EP300: variants seen among roughly 807,000 people sequenced by gnomAD.
The protein encoded by EP300 is histone acetyltransferase p300.
EP300 carries 31 observed loss-of-function variants against 264.0 expected under a neutral mutation model. The ratio of observed to expected loss-of-function variants is 0.12; its 90% CI spans 0.09 to 0.16. The LOEUF is 0.16. Among genes scored for constraint, EP300 ranks in the 10% least tolerant of loss-of-function variants. EP300 has a pLI of 1.00. For missense variants in EP300, 2,766 were observed against 3,052.9 expected, an observed-to-expected ratio of 0.91 and a Z score of 2.21; for synonymous variants, 1,340 against 1,045.4, an observed-to-expected ratio of 1.28 and a Z score of -5.44.
At chr22:41,142,198 C>T (rs973942139) in intron 10 of EP300, among the ~76,000 whole-genome samples, 9 of 152,186 alleles carry the variant, frequency 5.9e-5, no homozygotes, top group African/African-American at 2.2e-4. Flanking sequence ...TAGGAAAAAC[C>T]TGCATTTACT....
chr22:41,152,211 A>C lies in EP300; in HGVS notation c.3003A>C (p.Lys1001Asn), dbSNP rs1484054044. The change falls in exon 16 of 31, where the codon AAA becomes AAC. Residue 1001 changes from lysine (K) to asparagine (N), a missense_variant. Physicochemically the swap from Lys to Asn is moderately conservative, Grantham distance 94 (BLOSUM62 0). Coordinates refer to ENST00000263253, the MANE Select transcript of EP300 (RefSeq NM_001429.4). ...DTQPEDISES[K>N]VEDCKMESTE... The stretch of plus-strand genomic sequence containing the variant: ...ATTCTTACGTTTTCTTTTAGTCTAA[A>C]GTGGAAGACTGTAAAATGGAATCTA... 3 of 1,614,000 alleles carry C rather than the reference A, an allele frequency of 1.9e-6. No individual in the cohort carries two copies. The Admixed American group carries it at 5.0e-5, about 27-fold the overall frequency.
intron 2 of EP300, among the ~76,000 whole-genome samples, chr22:41,119,137 G>A (rs1320046630): frequency 6.8e-6 from 1 of 146,712 alleles, no homozygotes; most frequent in Non-Finnish European, 1.5e-5. Context: ...TGAGTAGCTG[G>A]AACTGAAGGC....
intron 28 of EP300, among the ~76,000 whole-genome samples, 169 bp from the exon 29 acceptor site, chr22:41,173,454 G>C (rs2059182302): frequency 6.6e-6 from 1 of 152,148 alleles, no homozygotes; most frequent in Admixed American, 6.5e-5. Flanking sequence ...AGAAAATTAG[G>C]TCAAATAACA....
Position 41,101,813 on chromosome 22 carries a change from G to A in EP300, c.94+8715G>A, listed in dbSNP as rs570646375. ...GGCCTCCTGAGTAGCTGGGATTGCA[G>A]ATGTGAGCCACTATGCCTGCCTCTA... On this transcript the variant is annotated intron_variant, in intron 1 of 30. Transcript: ENST00000263253. Among the ~76,000 whole-genome samples the A allele has an allele frequency of 5.3e-5, 8 of 152,200 alleles. No homozygotes were observed. In the South Asian group the frequency reaches 1.7e-3, roughly 32 times the overall value.
In EP300 at chr22:41,178,637, C is replaced by G; in HGVS notation, c.6926C>G (p.Ser2309Cys). The change falls in exon 31 of 31, where the codon TCT becomes TGT. Residue 2309 changes from serine to cysteine, a missense_variant. Coordinates refer to ENST00000263253, the MANE Select transcript of EP300 (RefSeq NM_001429.4). The part of the protein sequence containing the change: ...IPNSLSNQVR[S>C]PQPVPSPRPQ... ...AATTCTCTCTCCAATCAAGTGCGCTCTCCCCAGCCTGTCCCTTCTCCACGG... is the reference window on the plus strand; with the variant it reads ...AATTCTCTCTCCAATCAAGTGCGCTGTCCCCAGCCTGTCCCTTCTCCACGG... 1.2e-6 allele frequency: 2 copies of G among 1,614,148 alleles called. No individual in the cohort carries two copies. Among genetic ancestry groups the G allele is most frequent in the Non-Finnish European group, 1.7e-6 (2 of 1,180,026 alleles).
At chr22:41,158,770 C>T (rs753379692) in intron 19 of EP300, 1 of 445,912 alleles carries the variant, frequency 2.2e-6, no homozygotes. Context: ...GGTCTATATC[C>T]CAGGCCCCAC....
intron 20 of EP300, 113 bp downstream of exon 20, chr22:41,160,835 C>A: frequency 2.1e-6 from 2 of 946,914 alleles, no homozygotes; most frequent in Non-Finnish European, 3.4e-6. Flanking sequence ...AGCCATTAGC[C>A]ACATGTTGCT....
intron 23 of EP300, 46 bp downstream of exon 23, chr22:41,166,712 G>A (rs1487336507): frequency 4.5e-6 from 6 of 1,330,464 alleles, no homozygotes; most frequent in Non-Finnish European, 6.5e-6. Context: ...CTTATCTGAA[G>A]CCTAGATAAG....
chr22:41,099,622 CG>C (rs1339658908), intron 1 of EP300, among the ~76,000 whole-genome samples: 6 of 152,112 alleles, frequency 3.9e-5, no homozygotes, highest in African/African-American at 1.4e-4. Flanking sequence ...TTGTAACCTC[CG>C]CATACAATTT....
At position 41,133,191 on chromosome 22, in the gene EP300, G is replaced by T. The variant is rs913419561; in HGVS notation, c.1528+1558G>T. On this transcript the variant is annotated intron_variant, in intron 6 of 30. Coordinates refer to ENST00000263253, the MANE Select transcript of EP300 (RefSeq NM_001429.4). ...CCCACCCCGGAAACAGAGTCTCGCT[G>T]TGTCACCGAGGCTGGAGTACAGTGG... 2.6e-5 allele frequency among the ~76,000 whole-genome samples: 3 copies of T among 114,638 alleles called. No homozygotes were observed. In the Admixed American group the frequency reaches 3.8e-4, roughly 14 times the overall value. The allele number at this position is 114,638 out of a possible 152,430, so 75.2% of individuals were successfully genotyped here.
At chr22:41,107,046 A>G (rs1162772043) in intron 1 of EP300, among the ~76,000 whole-genome samples, 3 of 152,148 alleles carry the variant, frequency 2.0e-5, no homozygotes, top group Non-Finnish European at 4.4e-5. Flanking sequence ...AGCTGGGATT[A>G]CAGGCGTGCA....
rs373299577 is a variant in EP300 at position 41,158,556 on chromosome 22, A to G, written c.3590+56A>G. The G allele has an allele frequency of 2.8e-6, 4 of 1,411,258 alleles. No individual in the cohort carries two copies. In the African/African-American group the frequency reaches 5.6e-5, roughly 20 times the overall value. 87.4% of individuals were successfully genotyped at this position (1,411,258 alleles called of 1,614,324 possible). A position where few individuals can be genotyped will look rare whatever the true frequency, so the allele number is the denominator to read the frequency against. ...ATGTGTCCACATGTCCAGGGAGTGCATGCGGATGGGCCAGCACACATACAG... is the reference window on the plus strand; with the variant it reads ...ATGTGTCCACATGTCCAGGGAGTGCGTGCGGATGGGCCAGCACACATACAG... On this transcript the variant is annotated intron_variant, in intron 19 of 30. Coordinates refer to ENST00000263253, the MANE Select transcript of EP300 (RefSeq NM_001429.4).
rs2059231804 is a variant in EP300 at position 41,179,874 on chromosome 22, CCCCACTCACACACACACACACACACA to C, written c.*920_*945del. The stretch of plus-strand genomic sequence containing the variant: ...TTGCTTTCTTCCTCCTTACCCTACC[CCCCACTCACACACACACACACACACA>C]CACACACACACACACACACACACTT... On this transcript the variant is annotated 3_prime_UTR_variant, in exon 31 of 31. Coordinates refer to ENST00000263253, the MANE Select transcript of EP300 (RefSeq NM_001429.4). The C allele has an allele frequency of 6.5e-6, 1 of 153,154 alleles. No individual in the cohort carries two copies. Among genetic ancestry groups the C allele is most frequent in the African/African-American group, 3.1e-5 (1 of 32,662 alleles). The allele number at this position is 153,154 out of a possible 1,614,324, so 9.5% of individuals were successfully genotyped here.
At chr22:41,165,245 A>G (rs2145757658) in intron 22 of EP300, among the ~76,000 whole-genome samples, 1 of 152,332 alleles carries the variant, frequency 6.6e-6, no homozygotes, top group Admixed American at 6.5e-5. Context: ...CAACTGAATG[A>G]AAATAATCTG....
At chr22:41,153,116 AACTTTCCACAG>A (rs1461205993) in intron 16 of EP300, among the ~76,000 whole-genome samples, 5 of 152,280 alleles carry the variant, frequency 3.3e-5, no homozygotes, top group Non-Finnish European at 7.3e-5. Context: ...AAAGTTAAGT[AACTTTCCACAG>A]GTTACTCAGC....
chr22:41,092,779 G>GGGCCCA lies in EP300; in HGVS notation c.-220_-215dup. On this transcript the variant is annotated 5_prime_UTR_variant, in exon 1 of 31. Coordinates refer to ENST00000263253, the MANE Select transcript of EP300 (RefSeq NM_001429.4). ...TGCTCTTGTGCCCTCCTCCGGGCTT[G>GGGCCCA]GGCCCAGGCCCGGCCCCTCGCACTT... 1.6e-6 allele frequency: 1 copy of GGGCCCA among 627,372 alleles called. No individual in the cohort carries two copies. Among genetic ancestry groups the GGGCCCA allele is most frequent in the East Asian group, 2.7e-5 (1 of 36,596 alleles). 38.9% of individuals were successfully genotyped at this position (627,372 alleles called of 1,614,324 possible). A position where few individuals can be genotyped will look rare whatever the true frequency, so the allele number is the denominator to read the frequency against.
Position 41,127,007 on chromosome 22 carries a change from G to A in EP300, c.907-480G>A, listed in dbSNP as rs376504066. 4.6e-5 allele frequency among the ~76,000 whole-genome samples: 7 copies of A among 152,000 alleles called. 1 individual carries two copies. The highest frequency in any genetic ancestry group is 6.6e-5 in the Admixed American group (1 of 15,256). On this transcript the variant is annotated intron_variant, in intron 3 of 30. Transcript: ENST00000263253. ...GATCCGCCTGCCTCGGCCTCCCAACGTGCTAGGGTTACAGGCGTGAGCCAC... is the reference window on the plus strand; with the variant it reads ...GATCCGCCTGCCTCGGCCTCCCAACATGCTAGGGTTACAGGCGTGAGCCAC...
At chr22:41,098,497 G>A (rs1211961473) in intron 1 of EP300, among the ~76,000 whole-genome samples, 3 of 151,802 alleles carry the variant, frequency 2.0e-5, no homozygotes, top group African/African-American at 4.8e-5. Flanking sequence ...TCAGCCTCCC[G>A]AGTAGCTGGG....
At chr22:41,135,027 C>T (rs1450803386) in intron 6 of EP300, among the ~76,000 whole-genome samples, 3 of 152,122 alleles carry the variant, frequency 2.0e-5, no homozygotes, top group African/African-American at 7.2e-5. Context: ...CCTGCCTCAG[C>T]CTCCAAGAGT....
Sources: allele counts gnomAD v4.1 joint callset (sites outside exome capture counted in the v4.1 genomes callset), GRCh38; gene constraint gnomAD v4.1.1; transcripts MANE v1.5; gene names NCBI Gene and HGNC (gene_info 2026-07-23, HGNC 2026-07-21).